Variants in NTM observed in about 807,000 individuals in gnomAD.
NTM encodes the protein neurotrimin.
NTM carries 13 observed loss-of-function variants against 42.1 expected under a neutral mutation model. The observed-to-expected ratio is 0.31, with a 90% CI of 0.20 to 0.49. The LOEUF (loss-of-function observed/expected upper bound fraction) is 0.49. Among genes scored for constraint, NTM ranks in the 20% least tolerant of loss-of-function variants. NTM has a pLI of 0.99. For synonymous variants in NTM, 187 were observed against 179.2 expected (o/e 1.04, Z -0.35); for missense variants, 373 against 452.8 (o/e 0.82, Z 1.60).
intron 2 of NTM, among the ~76,000 whole-genome samples, chr11:131,927,044 T>C (rs2058043487): frequency 6.6e-6 from 1 of 152,224 alleles, no homozygotes; most frequent in Non-Finnish European, 1.5e-5. Context: ...TTGGAATTAA[T>C]GGACTCATAG....
intron 1 of NTM, among the ~76,000 whole-genome samples, chr11:131,554,797 C>T (rs552552050): frequency 6.6e-6 from 1 of 152,216 alleles, no homozygotes; most frequent in South Asian, 2.1e-4. Flanking sequence ...TTTTGGAGAA[C>T]CTCAGCCTCT....
intron 3 of NTM, among the ~76,000 whole-genome samples, chr11:132,187,171 T>C: frequency 6.6e-6 from 1 of 152,034 alleles, no homozygotes; most frequent in South Asian, 2.1e-4. Flanking sequence ...GTGCCTTGCT[T>C]CTCTTTTCTT....
At chr11:132,228,534 G>T (rs921271) in intron 4 of NTM, among the ~76,000 whole-genome samples, 18,077 of 152,196 alleles carry the variant, frequency 0.12, 1,861 homozygotes, top group African/African-American at 0.28. Context: ...GGGAAAGCCA[G>T]TTGATTGATA....
At chr11:132,224,492 A>G (rs1051879502) in intron 4 of NTM, among the ~76,000 whole-genome samples, 1 of 152,154 alleles carries the variant, frequency 6.6e-6, no homozygotes, top group Non-Finnish European at 1.5e-5. Context: ...CACCCTGGCA[A>G]TAAGAGATGA....
In NTM at chr11:131,393,978, G is replaced by A. The variant is rs540541966; in HGVS notation, c.82+23090G>A. 2.6e-5 allele frequency among the ~76,000 whole-genome samples: 4 copies of A among 152,324 alleles called. No individual in the cohort carries two copies. The East Asian group carries it at 5.8e-4, about 22-fold the overall frequency. On this transcript the variant is annotated intron_variant, in intron 1 of 8. Transcript: ENST00000683400. ...GATGTACAATTCCATTAATAAGGCC[G>A]CTTTTTAATAGGCGGCTCTGGCAGC...
chr11:131,416,238 T>C (rs1294692769), intron 1 of NTM, among the ~76,000 whole-genome samples: 1 of 152,044 alleles, frequency 6.6e-6, no homozygotes, highest in Non-Finnish European at 1.5e-5. Flanking sequence ...CAGGGACATA[T>C]CTCAATATTG....
At chr11:131,845,547 A>G (rs1237842269) in intron 1 of NTM, among the ~76,000 whole-genome samples, 1 of 151,978 alleles carries the variant, frequency 6.6e-6, no homozygotes, top group African/African-American at 2.4e-5. Flanking sequence ...CGGGGGAACA[A>G]TATGCATAAG....
intron 1 of NTM, among the ~76,000 whole-genome samples, chr11:131,510,344 G>A (rs983591244): frequency 6.6e-6 from 1 of 152,190 alleles, no homozygotes; most frequent in Admixed American, 6.5e-5. Context: ...AATCTGCCAG[G>A]TGAAAGCAAA....
intron 1 of NTM, among the ~76,000 whole-genome samples, chr11:131,667,073 C>T (rs375182315): frequency 6.6e-6 from 1 of 152,190 alleles, no homozygotes; most frequent in African/African-American, 2.4e-5. Flanking sequence ...CACAATTATG[C>T]TGCAAGGAAG....
chr11:131,822,446 G>A (rs1424556570), intron 1 of NTM, among the ~76,000 whole-genome samples: 2 of 152,032 alleles, frequency 1.3e-5, no homozygotes, highest in Admixed American at 6.6e-5. Flanking sequence ...AATGAATTAT[G>A]GTTTTTTTAA....
chr11:132,236,498 C>T (rs563925544), intron 4 of NTM, among the ~76,000 whole-genome samples: 2 of 152,116 alleles, frequency 1.3e-5, no homozygotes, highest in East Asian at 3.9e-4. Flanking sequence ...AAAAGTGGGA[C>T]GGCATAACTA....
chr11:131,805,895 T>C (rs1449342021), intron 1 of NTM, among the ~76,000 whole-genome samples: 1 of 152,228 alleles, frequency 6.6e-6, no homozygotes, highest in Non-Finnish European at 1.5e-5. Context: ...ATAGTTTTCT[T>C]ATTTGCACAA....
intron 1 of NTM, among the ~76,000 whole-genome samples, chr11:131,763,307 G>A (rs561063068): frequency 6.6e-6 from 1 of 152,164 alleles, no homozygotes; most frequent in African/African-American, 2.4e-5. Context: ...AAGAAATGTG[G>A]TGATGCAAGA....
chr11:131,974,291 A>C (rs1229199704), intron 2 of NTM, among the ~76,000 whole-genome samples: 1 of 152,204 alleles, frequency 6.6e-6, no homozygotes, highest in African/African-American at 2.4e-5. Flanking sequence ...GTTCAAATGA[A>C]TGAATGAATG....
intron 2 of NTM, among the ~76,000 whole-genome samples, chr11:131,963,745 AATG>A (rs1386448299): frequency 2.0e-5 from 3 of 152,246 alleles, no homozygotes; most frequent in African/African-American, 7.2e-5. Flanking sequence ...ACAAAATAAT[AATG>A]ATGACAGCTA....
chr11:131,805,619 G>A (rs1200416934), intron 1 of NTM, among the ~76,000 whole-genome samples: 1 of 152,164 alleles, frequency 6.6e-6, no homozygotes, highest in African/African-American at 2.4e-5. Context: ...TCTTATGATA[G>A]CATCTGGAAT....
chr11:131,865,728 T>A (rs890643548), intron 1 of NTM, among the ~76,000 whole-genome samples: 1 of 84,304 alleles, frequency 1.2e-5, no homozygotes, highest in Non-Finnish European at 2.4e-5. Context: ...ACACCCCACC[T>A]GCTCTCACAC....
chr11:131,870,008 G>A (rs916803970), intron 1 of NTM, among the ~76,000 whole-genome samples: 4 of 152,200 alleles, frequency 2.6e-5, no homozygotes, highest in African/African-American at 9.7e-5. Context: ...AATTTTACAA[G>A]ATGGAAAACA....
chr11:131,419,222 A>G (rs556003469), intron 1 of NTM, among the ~76,000 whole-genome samples: 130 of 152,338 alleles, frequency 8.5e-4, no homozygotes, highest in Non-Finnish European at 1.5e-3. Context: ...ATTATTTTAT[A>G]GTCTAGTAAT....
Sources: gnomAD v4.1 joint callset for allele counts (sites outside exome capture counted in the v4.1 genomes callset) on GRCh38, gnomAD v4.1.1 for gene constraint, MANE v1.5 for transcripts, NCBI Gene and HGNC (gene_info 2026-07-23, HGNC 2026-07-21) for gene names.